The following ZFAND3 variants were observed in gnomAD, a reference collection of about 807,000 sequenced individuals.
ZFAND3 encodes AN1-type zinc finger protein 3.
ZFAND3 carries 10 observed loss-of-function variants against 29.6 expected under a neutral mutation model. The observed-to-expected ratio is 0.34, with a 90% CI of 0.21 to 0.57. The LOEUF is 0.57. Ranked by LOEUF, ZFAND3 falls within the 20% of genes least tolerant of loss-of-function variation. The probability of loss-of-function intolerance (pLI) is 0.86; values close to 1 mark genes in which losing one functional copy is unlikely to be tolerated. For missense variants in ZFAND3, 230 were observed against 304.5 expected (o/e 0.76, Z 1.82); for synonymous variants, 128 against 112.6 (o/e 1.14, Z -0.87).
intron 2 of ZFAND3, among the ~76,000 whole-genome samples, chr6:37,939,889 A>C (rs973847947): frequency 6.6e-6 from 1 of 151,986 alleles, no homozygotes; most frequent in African/African-American, 2.4e-5. Flanking sequence ...AAAATATAAA[A>C]ATTAGCTGGG....
intron 3 of ZFAND3, among the ~76,000 whole-genome samples, chr6:38,071,400 A>G (rs1323635683): frequency 2.0e-5 from 3 of 152,064 alleles, no homozygotes; most frequent in African/African-American, 7.2e-5. Context: ...TATTTAAGGC[A>G]TAGAGATTTA....
chr6:37,848,242 C>G (rs780867417), intron 1 of ZFAND3, among the ~76,000 whole-genome samples: 26 of 152,236 alleles, frequency 1.7e-4, no homozygotes, highest in Non-Finnish European at 3.7e-4. Context: ...CTGAGTTTGA[C>G]TAGTCCATTG....
intron 2 of ZFAND3, among the ~76,000 whole-genome samples, chr6:38,038,028 T>C (rs1490700865): frequency 6.6e-6 from 1 of 152,126 alleles, no homozygotes; most frequent in Non-Finnish European, 1.5e-5. Context: ...ACAGAGAGAT[T>C]GGAGGGTAAA....
At position 38,041,655 on chromosome 6, in the gene ZFAND3, CTT is replaced by C. The variant is rs1561976671; in HGVS notation, c.113-19937_113-19936del. Among the ~76,000 whole-genome samples, 9 of 20,762 alleles carry C rather than the reference CTT, an allele frequency of 4.3e-4. No individual in the cohort carries two copies. The East Asian group carries it at 0.024, about 56-fold the overall frequency. The allele number at this position is 20,762 out of a possible 152,430, so 13.6% of individuals were successfully genotyped here. On this transcript the variant is annotated intron_variant, in intron 2 of 5. Transcript: ENST00000287218. Reference sequence around the variant, plus strand: ...TTTTCTTCTTCTTCTTCTTCTTCTTCTTCTTCTTCTTCTTCTTCTTCTTCTTC... The same window carrying C: ...TTTTCTTCTTCTTCTTCTTCTTCTTCCTTCTTCTTCTTCTTCTTCTTCTTC...
At chr6:38,037,817 C>A (rs952145906) in intron 2 of ZFAND3, among the ~76,000 whole-genome samples, 1 of 152,154 alleles carries the variant, frequency 6.6e-6, no homozygotes, top group Non-Finnish European at 1.5e-5. Flanking sequence ...GATGCCTGTT[C>A]ACCAAGTAGA....
chr6:37,852,319 A>G (rs1764295374), intron 1 of ZFAND3, among the ~76,000 whole-genome samples: 1 of 152,220 alleles, frequency 6.6e-6, no homozygotes, highest in Non-Finnish European at 1.5e-5. Context: ...AGTAGAGGCC[A>G]AGGATACTGC....
rs937455495 is a variant in ZFAND3 at position 37,946,733 on chromosome 6, C to A, written c.112+16734C>A. Among the ~76,000 whole-genome samples, 5 of 152,192 alleles carry A rather than the reference C, an allele frequency of 3.3e-5. No individual in the cohort carries two copies. The East Asian group carries it at 7.7e-4, about 23-fold the overall frequency. On this transcript the variant is annotated intron_variant, in intron 2 of 5. Transcript: ENST00000287218. Reference sequence around the variant, plus strand: ...CTTTTAACAAGTGTTTTTGCTATAGCGTGAATGAACCTTGACAACATTATG... The same window carrying A: ...CTTTTAACAAGTGTTTTTGCTATAGAGTGAATGAACCTTGACAACATTATG...
intron 5 of ZFAND3, among the ~76,000 whole-genome samples, chr6:38,121,594 A>C (rs985653497): frequency 1.3e-5 from 2 of 152,150 alleles, no homozygotes; most frequent in East Asian, 1.9e-4. Context: ...CCCCTCACCT[A>C]TTTTTTAGTA....
intron 1 of ZFAND3, among the ~76,000 whole-genome samples, chr6:37,822,291 C>G (rs1763681236): frequency 6.6e-6 from 1 of 152,168 alleles, no homozygotes; most frequent in Non-Finnish European, 1.5e-5. Flanking sequence ...CTTCAGTTTA[C>G]CTAGCAGGAG....
intron 2 of ZFAND3, among the ~76,000 whole-genome samples, chr6:37,995,023 G>A (rs1292786925): frequency 6.6e-6 from 1 of 152,178 alleles, no homozygotes; most frequent in Non-Finnish European, 1.5e-5. Flanking sequence ...CAGTTTAACA[G>A]CTCCTTTGAA....
Position 37,843,186 on chromosome 6 carries a change from G to T in ZFAND3, c.71+23170G>T, listed in dbSNP as rs929239028. Among the ~76,000 whole-genome samples, 11 of 148,706 alleles carry T rather than the reference G, an allele frequency of 7.4e-5. No individual in the cohort carries two copies. In the South Asian group the frequency reaches 2.1e-3, roughly 29 times the overall value. ...GTGCCTTGACTATTCAGGTGATTTTGTTTCTTTAAGTGTTCCTGGCTGAGT... is the reference window on the plus strand; with the variant it reads ...GTGCCTTGACTATTCAGGTGATTTTTTTTCTTTAAGTGTTCCTGGCTGAGT... On this transcript the variant is annotated intron_variant, in intron 1 of 5. Transcript: ENST00000287218.
At chr6:37,917,230 A>G (rs890552022) in intron 1 of ZFAND3, among the ~76,000 whole-genome samples, 1 of 152,160 alleles carries the variant, frequency 6.6e-6, no homozygotes, top group Non-Finnish European at 1.5e-5. Flanking sequence ...GGACTACTGT[A>G]TATCATTGTG....
intron 1 of ZFAND3, among the ~76,000 whole-genome samples, chr6:37,854,999 G>A (rs1382501980): frequency 1.2e-5 from 1 of 84,578 alleles, no homozygotes; most frequent in East Asian, 3.4e-4. Flanking sequence ...TGAGGCATTT[G>A]GGATCTTGCT....
chr6:38,074,862 T>A (rs1315488991), intron 3 of ZFAND3, among the ~76,000 whole-genome samples: 2 of 152,190 alleles, frequency 1.3e-5, no homozygotes, highest in Non-Finnish European at 2.9e-5. Flanking sequence ...TGAAAAATCC[T>A]AGGGCACTTA....
At chr6:37,920,322 T>C (rs979405499) in intron 1 of ZFAND3, among the ~76,000 whole-genome samples, 30 of 151,914 alleles carry the variant, frequency 2.0e-4, no homozygotes, top group Non-Finnish European at 2.9e-4. Flanking sequence ...TTTTTTTTTT[T>C]CTCCTTTTCT....
chr6:37,992,683 G>C (rs1160819473), intron 2 of ZFAND3, among the ~76,000 whole-genome samples: 2 of 151,968 alleles, frequency 1.3e-5, no homozygotes, highest in Non-Finnish European at 2.9e-5. Context: ...TGAATATACA[G>C]CCCCATTCAA....
At chr6:38,004,150 G>A (rs1388594180) in intron 2 of ZFAND3, among the ~76,000 whole-genome samples, 2 of 152,258 alleles carry the variant, frequency 1.3e-5, no homozygotes, top group Middle Eastern at 6.8e-3. Flanking sequence ...GGGGTTTAGT[G>A]TAGAAGATGC....
intron 2 of ZFAND3, among the ~76,000 whole-genome samples, chr6:38,022,046 G>A (rs1038187581): frequency 1.3e-5 from 2 of 152,138 alleles, no homozygotes; most frequent in African/African-American, 4.8e-5. Context: ...TTTTATTGTT[G>A]TCTTTTTGAA....
chr6:38,110,194 G>T (rs1474110266), intron 4 of ZFAND3, among the ~76,000 whole-genome samples: 1 of 152,150 alleles, frequency 6.6e-6, no homozygotes, highest in Non-Finnish European at 1.5e-5. Flanking sequence ...CTTGAACCTT[G>T]TTCTCTGTCC....
Sources: allele counts gnomAD v4.1 joint callset (sites outside exome capture counted in the v4.1 genomes callset), GRCh38; gene constraint gnomAD v4.1.1; transcripts MANE v1.5; gene names NCBI Gene and HGNC (gene_info 2026-07-23, HGNC 2026-07-21).